PTK7: variants seen among roughly 807,000 people sequenced by gnomAD.
PTK7 encodes the protein protein tyrosine kinase 7 (inactive).
In PTK7, 39 loss-of-function variants were observed where a neutral mutation model predicts 116.6. That is an observed-to-expected ratio of 0.33 (90% CI 0.26 to 0.44). The LOEUF (loss-of-function observed/expected upper bound fraction) is 0.44, where lower values mean the gene tolerates loss of function less well. Among genes scored for constraint, PTK7 ranks in the 20% least tolerant of loss-of-function variants. PTK7 has a pLI of 1.00. For missense variants in PTK7, 1,169 were observed against 1,425.6 expected, an observed-to-expected ratio of 0.82 and a Z score of 2.90; for synonymous variants, 546 against 563.6, an observed-to-expected ratio of 0.97 and a Z score of 0.44.
chr6:43,160,878 G>A lies in PTK7; in HGVS notation c.3210G>A (p.Pro1070=), dbSNP rs768268207. ...ALGDSTVDSK[P] is the part of the protein sequence containing the mutation. ...GAGACAGCACCGTGGACAGCAAGCC[G>A]TGAGGAGGGAGCCCGCTCAGGATGG... The change falls in exon 20 of 20, where the codon CCG becomes CCA. Residue 1070 remains proline (P), a synonymous_variant. Transcript: ENST00000230419. The A allele has an allele frequency of 1.8e-5, 29 of 1,613,630 alleles. 2 individuals carry two copies. Among genetic ancestry groups the A allele is most frequent in the Middle Eastern group, 1.7e-4 (1 of 5,872 alleles).
intron 1 of PTK7, among the ~76,000 whole-genome samples, chr6:43,127,250 C>T (rs1769345114): frequency 6.6e-6 from 1 of 152,176 alleles, no homozygotes; most frequent in South Asian, 2.1e-4. Flanking sequence ...TCCAGGTGGC[C>T]CATTTCTTCT....
At chr6:43,112,921 T>G (rs1768271807) in intron 1 of PTK7, among the ~76,000 whole-genome samples, 1 of 152,194 alleles carries the variant, frequency 6.6e-6, no homozygotes, top group Non-Finnish European at 1.5e-5. Flanking sequence ...CTTGAATTCC[T>G]GGGCCTATGT....
At chr6:43,159,762 A>G in intron 18 of PTK7, 26 bp from the exon 19 acceptor site, 1 of 1,613,504 alleles carries the variant, frequency 6.2e-7, no homozygotes, top group Non-Finnish European at 8.5e-7. Context: ...ACCCCACCTC[A>G]CCCCTGGGTT....
intron 1 of PTK7, among the ~76,000 whole-genome samples, chr6:43,118,620 C>CCTCTCTCT (rs1170818291): frequency 1.9e-3 from 118 of 63,318 alleles, no homozygotes; most frequent in Non-Finnish European, 2.6e-3. Context: ...AATATTTTAA[C>CCTCTCTCT]CTCTCTCTCT....
At position 43,145,358 on chromosome 6, in the gene PTK7, G is replaced by T; in HGVS notation, c.2566G>T (p.Ala856Ser). ...ELEMFGKLNHANVVRLLGLCR... is the reference protein window; with the variant it reads ...ELEMFGKLNHSNVVRLLGLCR... ...GGAGATGTTTGGGAAGCTGAACCACGCCAACGTGGTGCGGCTCCTGGGGCT... is the reference window on the plus strand; with the variant it reads ...GGAGATGTTTGGGAAGCTGAACCACTCCAACGTGGTGCGGCTCCTGGGGCT... The change falls in exon 16 of 20, where the codon GCC becomes TCC. Residue 856 changes from alanine (A) to serine (S), a missense_variant. Physicochemically the swap from Ala to Ser is moderately conservative, Grantham distance 99 (BLOSUM62 1). Around this residue, in one of 3 missense-constraint regions of PTK7, gnomAD observed 678 missense variants for 853.8 expected, o/e 0.79. Coordinates refer to ENST00000230419, the MANE Select transcript of PTK7 (RefSeq NM_002821.5). The surrounding 1 kb of genome is among the most constrained non-coding windows in gnomAD (Gnocchi z 4.8). The T allele has an allele frequency of 6.2e-7, 1 of 1,613,540 alleles. No homozygotes were observed. The highest frequency in any genetic ancestry group is 8.5e-7 in the Non-Finnish European group (1 of 1,179,738).
At position 43,145,078 on chromosome 6, in the gene PTK7, G is replaced by C; in HGVS notation, c.2408-122G>C. ...GGAGGGAGGGGGTCACAGCAGAACC[G>C]GGTCTCGTGCCCAGCCCAGGTGGGT... On this transcript the variant is annotated intron_variant, in intron 15 of 19. Transcript: ENST00000230419. This position sits in a 1 kb window ranked among gnomAD's most constrained non-coding sequence, Gnocchi z 4.8. The C allele has an allele frequency of 2.6e-6, 2 of 773,830 alleles. No individual in the cohort carries two copies. The highest frequency in any genetic ancestry group is 4.1e-6 in the Non-Finnish European group (2 of 489,496). The allele number at this position is 773,830 out of a possible 1,614,324, so 47.9% of individuals were successfully genotyped here. A position where few individuals can be genotyped will look rare whatever the true frequency, so the allele number is the denominator to read the frequency against.
intron 17 of PTK7, among the ~76,000 whole-genome samples, chr6:43,150,787 C>CCTTTTTTTTTTTTTTTTTTTTTT (rs1771017527): frequency 1.6e-5 from 1 of 60,742 alleles, no homozygotes; most frequent in Non-Finnish European, 3.0e-5. Flanking sequence ...GTAGACTCAG[C>CCTTTTTTTTTTTTTTTTTTTTTT]TTTTTTTTTT....
chr6:43,126,857 T>C (rs1769319662), intron 1 of PTK7, among the ~76,000 whole-genome samples: 1 of 152,198 alleles, frequency 6.6e-6, no homozygotes, highest in African/African-American at 2.4e-5. Context: ...GCAGGTGGAA[T>C]AGCTCACCCA....
chr6:43,095,050 A>G (rs994084779), intron 1 of PTK7, among the ~76,000 whole-genome samples: 1 of 149,662 alleles, frequency 6.7e-6, no homozygotes, highest in African/African-American at 2.5e-5. Flanking sequence ...TCTCAAAATA[A>G]TAATAATAAT....
chr6:43,157,354 ATATATATATATTTTTTTTTTTCTT>A (rs1771529500), intron 17 of PTK7, among the ~76,000 whole-genome samples: 1 of 3,724 alleles, frequency 2.7e-4, no homozygotes, highest in African/African-American at 9.4e-4. Context: ...ATATATATAT[ATATATATATATTTTTTTTTTTCTT>A]TTTTTTTTTT....
intron 1 of PTK7, among the ~76,000 whole-genome samples, chr6:43,083,273 G>T (rs1766475823): frequency 6.6e-6 from 1 of 152,246 alleles, no homozygotes. Context: ...CACGTGGTGG[G>T]GTTACAGGCT....
Position 43,130,236 on chromosome 6 carries a change from C to T in PTK7, c.477C>T (p.Thr159=), listed in dbSNP as rs1307461843. The change falls in exon 4 of 20, where the codon ACC becomes ACT. Residue 159 remains threonine (T), a synonymous_variant. Coordinates refer to ENST00000230419, the MANE Select transcript of PTK7 (RefSeq NM_002821.5). The part of the protein sequence containing the change: ...RCHIDGHPRP[T]YQWFRDGTPL... ...GACTGTGTCTGCCCTGCAGGCCCAC[C>T]TACCAATGGTTCCGAGATGGGACCC... The T allele has an allele frequency of 4.4e-6, 7 of 1,577,446 alleles. No individual in the cohort carries two copies. The highest frequency in any genetic ancestry group is 6.1e-6 in the Non-Finnish European group (7 of 1,156,958).
At chr6:43,102,698 C>T (rs1264145955) in intron 1 of PTK7, among the ~76,000 whole-genome samples, 3 of 151,608 alleles carry the variant, frequency 2.0e-5, no homozygotes, top group African/African-American at 7.3e-5. Flanking sequence ...ACATCCATTT[C>T]TGATTAAAAA....
rs56004029 is a variant in PTK7, at chr6:43,132,635, C to T, written c.1176C>T (p.His392=). ...AESDAGVYTC[H]AANLAGQRRQ... Reference sequence around the variant, plus strand: ...GTGATGCTGGTGTCTACACCTGCCACGCGGCCAACCTGGCTGGTCAGCGGA... The same window carrying T: ...GTGATGCTGGTGTCTACACCTGCCATGCGGCCAACCTGGCTGGTCAGCGGA... Residue 392 remains histidine (H), a synonymous_variant, in exon 7 of 20, where the codon CAC becomes CAT. Coordinates refer to ENST00000230419, the MANE Select transcript of PTK7 (RefSeq NM_002821.5). The T allele has an allele frequency of 7.6e-3, 12,071 of 1,590,494 alleles. 108 individuals carry two copies. The highest frequency in any genetic ancestry group is 0.027 in the South Asian group (2,423 of 88,438).
chr6:43,145,162 G>C lies in PTK7; in HGVS notation c.2408-38G>C. 1 of 1,552,548 alleles carries C rather than the reference G, an allele frequency of 6.4e-7. No homozygotes were observed. Among genetic ancestry groups the C allele is most frequent in the Non-Finnish European group, 8.7e-7 (1 of 1,143,946 alleles). On this transcript the variant is annotated intron_variant, in intron 15 of 19. Transcript: ENST00000230419. The surrounding 1 kb of genome is among the most constrained non-coding windows in gnomAD (Gnocchi z 4.8). ...CCCAGGTCAGGAGCTGCCTCGGCCTGGGTGAAGGTGGCTGGCTGACTCAGA... is the reference window on the plus strand; with the variant it reads ...CCCAGGTCAGGAGCTGCCTCGGCCTCGGTGAAGGTGGCTGGCTGACTCAGA...
At chr6:43,083,687 C>G (rs1766496572) in intron 1 of PTK7, among the ~76,000 whole-genome samples, 1 of 152,208 alleles carries the variant, frequency 6.6e-6, no homozygotes, top group South Asian at 2.1e-4. Flanking sequence ...TTTTACATTG[C>G]TAAACTCTCA....
chr6:43,131,600 C>T (rs959943481), intron 5 of PTK7: 2 of 223,738 alleles, frequency 8.9e-6, no homozygotes, highest in South Asian at 5.6e-5. Context: ...CATCAGATCT[C>T]GTGAGACTTG....
chr6:43,092,681 T>G (rs1050325615), intron 1 of PTK7, among the ~76,000 whole-genome samples: 2 of 152,144 alleles, frequency 1.3e-5, no homozygotes, highest in Admixed American at 1.3e-4. Context: ...CTAAATTCAG[T>G]ATATGTGAAG....
chr6:43,148,951 C>T (rs1369286023), intron 17 of PTK7, among the ~76,000 whole-genome samples: 5 of 148,794 alleles, frequency 3.4e-5, no homozygotes, highest in African/African-American at 5.0e-5. Context: ...CCAAGCTACT[C>T]GGGAGGCTGA....
Sources: allele counts gnomAD v4.1 joint callset (sites outside exome capture counted in the v4.1 genomes callset), GRCh38; gene constraint gnomAD v4.1.1; regional missense constraint gnomAD v4.1.1; non-coding constraint Gnocchi (gnomAD v3.1); transcripts MANE v1.5; gene names NCBI Gene and HGNC (gene_info 2026-07-23, HGNC 2026-07-21).